Variants in PEPD observed in about 807,000 individuals in gnomAD.
The protein encoded by PEPD is xaa-Pro dipeptidase.
PEPD carries 53 observed loss-of-function variants against 60.7 expected under a neutral mutation model. That is an observed-to-expected ratio of 0.87 (90% CI 0.70 to 1.10). The LOEUF is 1.10. PEPD is among the 50% of genes least tolerant of loss of function. The probability of loss-of-function intolerance (pLI) is 0.00; values close to 1 mark genes in which losing one functional copy is unlikely to be tolerated. For synonymous variants in PEPD, 267 were observed against 284.1 expected (o/e 0.94, Z 0.60); for missense variants, 711 against 711.9 (o/e 1.00, Z 0.01).
chr19:33,418,473 G>C (rs1968938494), intron 9 of PEPD, among the ~76,000 whole-genome samples: 1 of 152,224 alleles, frequency 6.6e-6, no homozygotes, highest in South Asian at 2.1e-4. Context: ...CTTTTGCATG[G>C]AACCAGAAGC....
intron 9 of PEPD, among the ~76,000 whole-genome samples, chr19:33,456,411 G>C (rs1209242512): frequency 6.6e-6 from 1 of 152,162 alleles, no homozygotes; most frequent in African/African-American, 2.4e-5. Flanking sequence ...CAGGACTCAA[G>C]GACTGCCCTC....
At chr19:33,387,807 CCT>C (rs1412653351) in intron 14 of PEPD, 81 bp downstream of exon 14, 3 of 1,176,212 alleles carry the variant, frequency 2.6e-6, no homozygotes, top group Non-Finnish European at 3.7e-6. Context: ...CACTAGGGCC[CCT>C]GTCTTGGGAC....
chr19:33,468,911 G>C (rs1216463390), intron 7 of PEPD, among the ~76,000 whole-genome samples: 1 of 152,158 alleles, frequency 6.6e-6, no homozygotes, highest in East Asian at 1.9e-4. Flanking sequence ...ACTTGCTCCT[G>C]TCCCCAGAGG....
chr19:33,495,613 T>C (rs191882056), intron 4 of PEPD, among the ~76,000 whole-genome samples: 4 of 152,042 alleles, frequency 2.6e-5, no homozygotes, highest in Admixed American at 2.6e-4. Context: ...GTATCAACAA[T>C]CTCCCGGGAT....
chr19:33,517,136 G>C (rs985347297), intron 1 of PEPD, among the ~76,000 whole-genome samples: 2 of 152,106 alleles, frequency 1.3e-5, no homozygotes, highest in Non-Finnish European at 2.9e-5. Flanking sequence ...AGCTGAGATC[G>C]CAACACTACA....
At chr19:33,473,495 G>A (rs1012489714) in intron 7 of PEPD, among the ~76,000 whole-genome samples, 25 of 152,072 alleles carry the variant, frequency 1.6e-4, no homozygotes, top group African/African-American at 6.0e-4. Flanking sequence ...TTTTCGTTCT[G>A]TGTAATTAAC....
chr19:33,392,323 G>A (rs980432992), intron 12 of PEPD, among the ~76,000 whole-genome samples: 6 of 152,236 alleles, frequency 3.9e-5, no homozygotes, highest in Non-Finnish European at 7.4e-5. Context: ...AGCTCTCCAC[G>A]TAGAGCCTCA....
At chr19:33,443,886 C>A (rs957177202) in intron 9 of PEPD, among the ~76,000 whole-genome samples, 6 of 151,908 alleles carry the variant, frequency 3.9e-5, no homozygotes, top group African/African-American at 1.5e-4. Context: ...CGTGCACACA[C>A]ACACACAGTA....
intron 9 of PEPD, among the ~76,000 whole-genome samples, chr19:33,428,308 G>C (rs1053195129): frequency 3.3e-5 from 5 of 152,156 alleles, no homozygotes; most frequent in African/African-American, 9.7e-5. Flanking sequence ...TCACACACCT[G>C]TCCAGCATAC....
intron 11 of PEPD, among the ~76,000 whole-genome samples, chr19:33,405,674 C>T (rs1457369831): frequency 2.0e-5 from 3 of 152,254 alleles, no homozygotes; most frequent in Non-Finnish European, 2.9e-5. Context: ...CCAGGCCTTC[C>T]GTGGAGTGCC....
At chr19:33,408,484 T>A (rs1040688654) in intron 11 of PEPD, among the ~76,000 whole-genome samples, 2 of 152,232 alleles carry the variant, frequency 1.3e-5, no homozygotes, top group African/African-American at 4.8e-5. Flanking sequence ...TGTGTGTGCG[T>A]GTTGGGGGAG....
At chr19:33,430,338 G>A (rs948995092) in intron 9 of PEPD, among the ~76,000 whole-genome samples, 2 of 152,300 alleles carry the variant, frequency 1.3e-5, no homozygotes, top group South Asian at 2.1e-4. Context: ...GAGAGACGGC[G>A]AGGTAGGGTT....
At chr19:33,506,193 ACT>A (rs1281809002) in intron 3 of PEPD, among the ~76,000 whole-genome samples, 15 of 136,726 alleles carry the variant, frequency 1.1e-4, no homozygotes, top group African/African-American at 4.2e-4. Context: ...ACACCCACAC[ACT>A]CTCATCACAA....
chr19:33,477,814 A>C (rs1363213910), intron 7 of PEPD, among the ~76,000 whole-genome samples: 2 of 152,208 alleles, frequency 1.3e-5, no homozygotes, highest in Non-Finnish European at 2.9e-5. Context: ...TAAGATTGCA[A>C]ATAAGGGAAA....
rs1039501316 is a variant in PEPD, at chr19:33,520,259, AC to A, written c.17+1484del. On this transcript the variant is annotated intron_variant, in intron 1 of 14. Transcript: ENST00000244137. ...GAGCCAGCCTAACCAGAGAGACAGC[AC>A]ACCCACAGCTGGGCACCAGCCTGCT... 9.5e-4 allele frequency among the ~76,000 whole-genome samples: 145 copies of A among 152,206 alleles called. 2 individuals are homozygous for A. The highest frequency in any genetic ancestry group is 1.1e-3 in the Admixed American group (17 of 15,276).
At chr19:33,515,809 TC>T (rs1185269986) in intron 1 of PEPD, among the ~76,000 whole-genome samples, 1 of 151,960 alleles carries the variant, frequency 6.6e-6, no homozygotes, top group Non-Finnish European at 1.5e-5. Flanking sequence ...CACTCCTTAA[TC>T]ATAACAGGTG....
intron 9 of PEPD, among the ~76,000 whole-genome samples, chr19:33,438,776 C>T (rs919989801): frequency 2.0e-5 from 3 of 152,228 alleles, no homozygotes; most frequent in African/African-American, 7.2e-5. Flanking sequence ...AGTGCAGTGG[C>T]ACGATCTCAG....
intron 7 of PEPD, among the ~76,000 whole-genome samples, chr19:33,464,687 G>A (rs1020582303): frequency 6.6e-6 from 1 of 152,132 alleles, no homozygotes; most frequent in Non-Finnish European, 1.5e-5. Context: ...CGTGGGCAGG[G>A]GAGTCACAAT....
intron 3 of PEPD, among the ~76,000 whole-genome samples, chr19:33,506,962 A>C: frequency 8.4e-6 from 1 of 118,588 alleles, no homozygotes; most frequent in African/African-American, 3.3e-5. Context: ...ACACACCCCC[A>C]ACATATGTCC....
Sources: allele counts gnomAD v4.1 joint callset (sites outside exome capture counted in the v4.1 genomes callset), GRCh38; gene constraint gnomAD v4.1.1; transcripts MANE v1.5; gene names NCBI Gene and HGNC (gene_info 2026-07-23, HGNC 2026-07-21).